The following LRPPRC variants were observed in gnomAD, a reference collection of about 807,000 sequenced individuals.
LRPPRC encodes the protein leucine rich pentatricopeptide repeat containing, also known as leucine-rich PPR motif-containing protein, mitochondrial.
LRPPRC carries 120 observed loss-of-function variants against 180.3 expected under a neutral mutation model. The ratio of observed to expected loss-of-function variants is 0.67; its 90% CI spans 0.57 to 0.77. The LOEUF is 0.77. LRPPRC is among the 30% of genes least tolerant of loss of function. LRPPRC has a pLI of 0.00. For synonymous variants in LRPPRC, 723 were observed against 600.0 expected (o/e 1.21, Z -3.00); for missense variants, 2,012 against 1,657.2 (o/e 1.21, Z -3.72).
intron 27 of LRPPRC, among the ~76,000 whole-genome samples, chr2:43,923,991 C>G (rs1450686234): frequency 6.6e-6 from 1 of 152,018 alleles, no homozygotes; most frequent in East Asian, 1.9e-4. Flanking sequence ...GATCATCGTT[C>G]AAGCCAAAGT....
intron 13 of LRPPRC, chr2:43,959,159 C>T (rs1482150931): frequency 1.4e-6 from 1 of 713,206 alleles, no homozygotes; most frequent in Non-Finnish European, 2.6e-6. Flanking sequence ...CATGGATCCA[C>T]CTCGTGAGCC....
chr2:43,903,019 A>C (rs185763285), intron 31 of LRPPRC: 1 of 152,180 alleles, frequency 6.6e-6, no homozygotes, highest in Non-Finnish European at 1.5e-5. Context: ...AGGTAAAATC[A>C]TATTTTTAGA....
Position 43,920,992 on chromosome 2 carries a change from T to C in LRPPRC, c.2897-2594A>G, listed in dbSNP as rs546297706. ...GACAAGGATATTACAGAGATGCACCTATTAAAATAAGACTTGTGGGCAGGT... is the reference window on the plus strand; with the variant it reads ...GACAAGGATATTACAGAGATGCACCCATTAAAATAAGACTTGTGGGCAGGT... On this transcript the variant is annotated intron_variant, in intron 27 of 37. Coordinates refer to ENST00000260665, the MANE Select transcript of LRPPRC (RefSeq NM_133259.4). Among the ~76,000 whole-genome samples, 6 of 152,278 alleles carry C rather than the reference T, an allele frequency of 3.9e-5. No homozygotes were observed. The Middle Eastern group carries it at 0.01, about 259-fold the overall frequency.
chr2:43,912,305 A>C (rs1169412419), intron 30 of LRPPRC, 127 bp downstream of exon 30: 2 of 807,768 alleles, frequency 2.5e-6, no homozygotes, highest in African/African-American at 1.7e-5. Context: ...ATTTCATATG[A>C]TTTTTATGGG....
intron 14 of LRPPRC, among the ~76,000 whole-genome samples, chr2:43,956,957 T>A (rs1319326771): frequency 6.6e-6 from 1 of 152,232 alleles, no homozygotes; most frequent in Admixed American, 6.5e-5. Flanking sequence ...TCAGCTTTTA[T>A]GTTTATCTAT....
At chr2:43,939,146 C>T (rs550178661) in intron 23 of LRPPRC, among the ~76,000 whole-genome samples, 19 of 149,460 alleles carry the variant, frequency 1.3e-4, no homozygotes, top group Non-Finnish European at 1.9e-4. Context: ...GCTGGCGTGG[C>T]GGTGAGCACC....
At chr2:43,929,272 A>G (rs183684918) in intron 25 of LRPPRC, among the ~76,000 whole-genome samples, 1 of 152,312 alleles carries the variant, frequency 6.6e-6, no homozygotes, top group African/African-American at 2.4e-5. Context: ...GGTGTTATTC[A>G]AAATAATTAC....
chr2:43,891,902 G>T (rs993605825), intron 36 of LRPPRC, among the ~76,000 whole-genome samples: 1 of 152,226 alleles, frequency 6.6e-6, no homozygotes, highest in East Asian at 1.9e-4. Flanking sequence ...AATTAAAAAG[G>T]TGCTACTTCA....
intron 5 of LRPPRC, 133 bp downstream of exon 5, chr2:43,976,861 G>A: frequency 2.8e-6 from 2 of 708,426 alleles, no homozygotes; most frequent in East Asian, 2.7e-5. Flanking sequence ...CAGATTACCA[G>A]ATTTTCTAGA....
chr2:43,991,078 G>A (rs879412918), intron 1 of LRPPRC, among the ~76,000 whole-genome samples: 2 of 149,264 alleles, frequency 1.3e-5, no homozygotes, highest in Admixed American at 6.7e-5. Flanking sequence ...CACTGAGGCT[G>A]GAGTGCAGTG....
chr2:43,934,715 G>GAA (rs143170527), intron 24 of LRPPRC, 39 bp downstream of exon 24: 959 of 1,562,826 alleles, frequency 6.1e-4, no homozygotes, highest in African/African-American at 1.2e-3. Flanking sequence ...AGCAAGAAGG[G>GAA]AAAAAAAAAC....
At position 43,899,502 on chromosome 2, in the gene LRPPRC, C is replaced by G. The variant is rs776488880; in HGVS notation, c.3673G>C (p.Val1225Leu). 9.3e-6 allele frequency: 15 copies of G among 1,614,066 alleles called. 1 individual carries two copies. In the South Asian group the frequency reaches 1.6e-4, roughly 18 times the overall value. Residue 1225 changes from valine (V) to leucine (L), a missense_variant, in exon 33 of 38, where the codon GTA (valine) becomes CTA (leucine). By Grantham distance (32) the Val-to-Leu change is conservative. Coordinates refer to ENST00000260665, the MANE Select transcript of LRPPRC (RefSeq NM_133259.4). ...GCTGGTTCCAACTGCTCCTCTATTA[C>G]TTTTCTGAATAAGTATGCCAAGCCG... ...YFGLAYLFRK[V>L]IEEQLEPAVE...
At chr2:43,898,645 G>A (rs1298662880) in intron 34 of LRPPRC, among the ~76,000 whole-genome samples, 2 of 152,172 alleles carry the variant, frequency 1.3e-5, no homozygotes, top group African/African-American at 2.4e-5. Flanking sequence ...TAATTTAACT[G>A]AGAGTGCGGG....
chr2:43,932,034 T>G (rs1672106673), intron 25 of LRPPRC, among the ~76,000 whole-genome samples: 1 of 146,378 alleles, frequency 6.8e-6, no homozygotes, highest in South Asian at 2.1e-4. Context: ...TAGGTCTTTC[T>G]GAGGATTGCT....
At chr2:43,987,226 G>A (rs1176557164) in intron 1 of LRPPRC, among the ~76,000 whole-genome samples, 1 of 152,136 alleles carries the variant, frequency 6.6e-6, no homozygotes, top group Non-Finnish European at 1.5e-5. Context: ...CGGACGCGGT[G>A]GCTCATGCCT....
At chr2:43,900,990 T>C (rs1476581564) in intron 32 of LRPPRC, among the ~76,000 whole-genome samples, 1 of 152,146 alleles carries the variant, frequency 6.6e-6, no homozygotes, top group East Asian at 1.9e-4. Flanking sequence ...CCCTATCAAA[T>C]ATTACTGACA....
intron 13 of LRPPRC, 77 bp downstream of exon 13, chr2:43,960,464 C>T (rs908138343): frequency 5.9e-5 from 49 of 835,386 alleles, no homozygotes; most frequent in East Asian, 9.7e-5. Context: ...GCTTTCATTG[C>T]GTGAACCACC....
chr2:43,898,067 AAATT>A (rs1188262098), intron 34 of LRPPRC, among the ~76,000 whole-genome samples: 2 of 111,556 alleles, frequency 1.8e-5, no homozygotes, highest in African/African-American at 4.7e-5. Flanking sequence ...CTTTTCCTTA[AAATT>A]AAAAAAAAAA....
intron 11 of LRPPRC, among the ~76,000 whole-genome samples, chr2:43,967,716 T>TA (rs1205129559): frequency 6.6e-6 from 1 of 152,126 alleles, no homozygotes; most frequent in Non-Finnish European, 1.5e-5. Context: ...TAATGTTTTT[T>TA]AAAATCCCTA....
Sources: allele counts gnomAD v4.1 joint callset (sites outside exome capture counted in the v4.1 genomes callset), GRCh38; gene constraint gnomAD v4.1.1; transcripts MANE v1.5; gene names NCBI Gene and HGNC (gene_info 2026-07-23, HGNC 2026-07-21).